The following GUCY1A2 variants were observed in gnomAD, a reference collection of about 807,000 sequenced individuals.
GUCY1A2 encodes guanylate cyclase soluble subunit alpha-2.
GUCY1A2 carries 27 observed loss-of-function variants against 63.5 expected under a neutral mutation model. The observed-to-expected ratio is 0.43, with a 90% confidence interval of 0.31 to 0.59. GUCY1A2 has a LOEUF of 0.59. Ranked by LOEUF, GUCY1A2 falls within the 20% of genes least tolerant of loss-of-function variation. The pLI, the probability that GUCY1A2 is intolerant of heterozygous loss-of-function variation, is 0.11. For synonymous variants in GUCY1A2, 364 were observed against 343.5 expected (o/e 1.06, Z -0.66); for missense variants, 768 against 913.3 (o/e 0.84, Z 2.05).
At chr11:106,993,987 C>T (rs1861504075) in intron 1 of GUCY1A2, among the ~76,000 whole-genome samples, 1 of 152,152 alleles carries the variant, frequency 6.6e-6, no homozygotes, top group Admixed American at 6.5e-5. Flanking sequence ...GCTAGAGATG[C>T]ACTAAAATTA....
In GUCY1A2 at chr11:106,939,838, T is replaced by C. The variant is rs138593429; in HGVS notation, c.828A>G (p.Leu276=). Residue 276 remains leucine, a synonymous_variant, in exon 4 of 8, where the codon CTA becomes CTG. Coordinates refer to ENST00000526355, the MANE Select transcript of GUCY1A2 (RefSeq NM_000855.3). ...TGCCTGGGTTTGAAACATCAGAGCA[T>C]AGCTTCTCATTTGCAACCTGTTCCA... ...VEVEQVANEK[L]CSDVSNPGNC... The C allele has an allele frequency of 1.8e-4, 291 of 1,613,804 alleles. 2 individuals carry two copies. In the Middle Eastern group the frequency reaches 2.0e-3, roughly 11 times the overall value.
intron 4 of GUCY1A2, among the ~76,000 whole-genome samples, chr11:106,915,090 G>A (rs1860352291): frequency 6.6e-6 from 1 of 152,130 alleles, no homozygotes; most frequent in Admixed American, 6.6e-5. Flanking sequence ...TGCCCTGCAG[G>A]AAATGTTTAA....
chr11:106,951,766 T>C (rs1860912407), intron 3 of GUCY1A2, among the ~76,000 whole-genome samples: 1 of 152,154 alleles, frequency 6.6e-6, no homozygotes, highest in South Asian at 2.1e-4. Context: ...CAATTTTGGA[T>C]TTTGTCGCAA....
At chr11:106,910,950 A>C (rs919254130) in intron 4 of GUCY1A2, among the ~76,000 whole-genome samples, 1 of 152,030 alleles carries the variant, frequency 6.6e-6, no homozygotes, top group Non-Finnish European at 1.5e-5. Flanking sequence ...CAGTTATCTG[A>C]TTGTGCCCTT....
intron 4 of GUCY1A2, among the ~76,000 whole-genome samples, chr11:106,863,439 A>T (rs1431116517): frequency 6.6e-6 from 1 of 152,176 alleles, no homozygotes; most frequent in Non-Finnish European, 1.5e-5. Context: ...GTCAAAGATC[A>T]GATGGTTGTA....
chr11:106,706,373 T>G (rs1024475920), intron 7 of GUCY1A2, among the ~76,000 whole-genome samples: 2 of 152,008 alleles, frequency 1.3e-5, no homozygotes, highest in Non-Finnish European at 2.9e-5. Flanking sequence ...TTGGGGGGCC[T>G]GGGGGTGAAG....
At chr11:106,821,807 A>T (rs966053476) in intron 4 of GUCY1A2, among the ~76,000 whole-genome samples, 1 of 152,156 alleles carries the variant, frequency 6.6e-6, no homozygotes, top group Non-Finnish European at 1.5e-5. Flanking sequence ...CTAACATCCA[A>T]TTATTATTAT....
intron 4 of GUCY1A2, among the ~76,000 whole-genome samples, chr11:106,849,209 C>A (rs192534466): frequency 3.3e-5 from 5 of 151,540 alleles, no homozygotes; most frequent in African/African-American, 9.6e-5. Context: ...TACTACCCAA[C>A]TAGAAACACT....
chr11:106,752,384 C>T (rs1341548218), intron 6 of GUCY1A2, among the ~76,000 whole-genome samples: 4 of 152,134 alleles, frequency 2.6e-5, no homozygotes, highest in Non-Finnish European at 5.9e-5. Context: ...TTTTATTATA[C>T]TTTAAGTTCT....
chr11:106,796,635 G>A (rs946679601), intron 5 of GUCY1A2, among the ~76,000 whole-genome samples: 3 of 152,306 alleles, frequency 2.0e-5, no homozygotes, highest in Non-Finnish European at 4.4e-5. Context: ...AGTTTCTGCT[G>A]AGAGATCAGC....
intron 4 of GUCY1A2, among the ~76,000 whole-genome samples, chr11:106,878,213 A>C (rs1462323295): frequency 6.6e-6 from 1 of 152,110 alleles, no homozygotes; most frequent in Non-Finnish European, 1.5e-5. Context: ...TGTGGAAAAC[A>C]ATGTGGCGAT....
At chr11:106,837,573 G>A (rs1431956176) in intron 4 of GUCY1A2, among the ~76,000 whole-genome samples, 1 of 151,958 alleles carries the variant, frequency 6.6e-6, no homozygotes, top group Non-Finnish European at 1.5e-5. Flanking sequence ...TCACCACACT[G>A]CTTTCCACAT....
At chr11:106,974,571 C>A (rs1178681040) in intron 3 of GUCY1A2, among the ~76,000 whole-genome samples, 1 of 152,036 alleles carries the variant, frequency 6.6e-6, no homozygotes, top group African/African-American at 2.4e-5. Flanking sequence ...TCAGTGGCAT[C>A]TTATAAATGA....
At chr11:106,816,565 T>C (rs1192849547) in intron 4 of GUCY1A2, among the ~76,000 whole-genome samples, 1 of 146,296 alleles carries the variant, frequency 6.8e-6, no homozygotes, top group South Asian at 2.2e-4. Context: ...AAGAGCAAAA[T>C]AAACCCAAAG....
intron 6 of GUCY1A2, among the ~76,000 whole-genome samples, chr11:106,751,800 T>C (rs889383240): frequency 3.3e-5 from 5 of 152,298 alleles, no homozygotes; most frequent in Non-Finnish European, 5.9e-5. Flanking sequence ...AGTGTCTTGA[T>C]AATATTTTAT....
At chr11:106,759,105 A>G (rs1864021395) in intron 6 of GUCY1A2, among the ~76,000 whole-genome samples, 1 of 152,012 alleles carries the variant, frequency 6.6e-6, no homozygotes, top group Non-Finnish European at 1.5e-5. Flanking sequence ...GCATCACACA[A>G]CATACCCATG....
At chr11:106,915,391 G>A (rs746093884) in intron 4 of GUCY1A2, among the ~76,000 whole-genome samples, 23 of 152,064 alleles carry the variant, frequency 1.5e-4, no homozygotes, top group African/African-American at 3.4e-4. Flanking sequence ...TACTACCGAC[G>A]AGGCAATACA....
rs570263558 is a variant in GUCY1A2, at chr11:106,992,724, T to A, written c.304-6593A>T. On this transcript the variant is annotated intron_variant, in intron 1 of 7. Transcript: ENST00000526355. Reference sequence around the variant, plus strand: ...AAATCACGTGTATTCAAACAATTGATTTTTTTCTTGAGAACACACAACATT... The same window carrying A: ...AAATCACGTGTATTCAAACAATTGAATTTTTTCTTGAGAACACACAACATT... Among the ~76,000 whole-genome samples the A allele has an allele frequency of 3.3e-5, 5 of 152,236 alleles. No homozygotes were observed. In the East Asian group the frequency reaches 9.6e-4, roughly 29 times the overall value.
At chr11:106,800,319 A>G (rs1864851145) in intron 5 of GUCY1A2, among the ~76,000 whole-genome samples, 1 of 152,212 alleles carries the variant, frequency 6.6e-6, no homozygotes, top group African/African-American at 2.4e-5. Flanking sequence ...CCATCGTGGA[A>G]GACAGTGTGG....
Sources: allele counts gnomAD v4.1 joint callset (sites outside exome capture counted in the v4.1 genomes callset), GRCh38; gene constraint gnomAD v4.1.1; transcripts MANE v1.5; gene names NCBI Gene and HGNC (gene_info 2026-07-23, HGNC 2026-07-21).